AGBL4: variants seen among roughly 807,000 people sequenced by gnomAD.
AGBL4 encodes the protein cytosolic carboxypeptidase 6.
A neutral mutation model predicts 66.4 loss-of-function variants in AGBL4; 58 were observed. The ratio of observed to expected loss-of-function variants is 0.87; its 90% confidence interval spans 0.71 to 1.09. The LOEUF (loss-of-function observed/expected upper bound fraction) is 1.09, where lower values mean the gene tolerates loss of function less well. Ranked by LOEUF, AGBL4 falls within the 50% of genes least tolerant of loss-of-function variation. The probability of loss-of-function intolerance (pLI) is 0.00; values close to 1 mark genes in which losing one functional copy is unlikely to be tolerated. For synonymous variants in AGBL4, 234 were observed against 222.9 expected, an observed-to-expected ratio of 1.05 and a Z score of -0.44; for missense variants, 579 against 631.0, an observed-to-expected ratio of 0.92 and a Z score of 0.88.
chr1:48,669,808 A>G (rs1646247278), intron 6 of AGBL4, among the ~76,000 whole-genome samples: 1 of 152,190 alleles, frequency 6.6e-6, no homozygotes, highest in Admixed American at 6.5e-5. Flanking sequence ...CCTGATGCCC[A>G]GCATCTGCTC....
At chr1:49,739,884 C>A (rs1002647737) in intron 2 of AGBL4, among the ~76,000 whole-genome samples, 4 of 152,118 alleles carry the variant, frequency 2.6e-5, no homozygotes, top group African/African-American at 4.8e-5. Context: ...GCCTGCCCTA[C>A]AAGAGCTCCT....
At chr1:48,818,093 G>A (rs1220648030) in intron 6 of AGBL4, 7 of 715,744 alleles carry the variant, frequency 9.8e-6, no homozygotes, top group Admixed American at 8.0e-5. Context: ...AGAAGCAAAT[G>A]ATTTCACCAG....
chr1:49,498,480 C>G (rs1647817783), intron 3 of AGBL4, among the ~76,000 whole-genome samples: 1 of 151,540 alleles, frequency 6.6e-6, no homozygotes, highest in South Asian at 2.1e-4. Context: ...TCCTCCAGGT[C>G]CATCCAGGTT....
Position 48,736,114 on chromosome 1 carries a change from G to A in AGBL4, c.635-72873C>T. Reference sequence around the variant, plus strand: ...TTGGGTTATCCGCTTGGTGTCCCCGGGCTCAGCCCAGGGTCTGGCATGCAG... The same window carrying A: ...TTGGGTTATCCGCTTGGTGTCCCCGAGCTCAGCCCAGGGTCTGGCATGCAG... On this transcript the variant is annotated intron_variant, in intron 6 of 13. Transcript: ENST00000371839. The surrounding 1 kb of genome is among the most constrained non-coding windows in gnomAD (Gnocchi z 4.0). The A allele has an allele frequency of 9.1e-7, 1 of 1,100,434 alleles. No individual in the cohort carries two copies. Among genetic ancestry groups the A allele is most frequent in the Non-Finnish European group, 1.3e-6 (1 of 745,950 alleles). 68.2% of individuals were successfully genotyped at this position (1,100,434 alleles called of 1,614,324 possible).
intron 5 of AGBL4, among the ~76,000 whole-genome samples, chr1:48,949,126 G>C (rs1451800342): frequency 6.6e-6 from 1 of 152,162 alleles, no homozygotes; most frequent in African/African-American, 2.4e-5. Context: ...AAGGAAAAAA[G>C]GGTTGAAAAT....
chr1:49,823,878 G>A (rs951394296), intron 2 of AGBL4, among the ~76,000 whole-genome samples: 1 of 150,996 alleles, frequency 6.6e-6, no homozygotes, highest in African/African-American at 2.4e-5. Flanking sequence ...ATAAAGAAAA[G>A]TTAAGTTCCA....
intron 6 of AGBL4, chr1:48,759,500 G>C: frequency 5.2e-6 from 5 of 953,190 alleles, no homozygotes; most frequent in East Asian, 2.9e-5. Context: ...GAAGGGGCTT[G>C]CCCAAAGTCA....
intron 5 of AGBL4, among the ~76,000 whole-genome samples, chr1:48,933,007 T>C (rs1655162005): frequency 6.6e-6 from 1 of 152,126 alleles, no homozygotes; most frequent in Admixed American, 6.5e-5. Flanking sequence ...TTTTTTTCCT[T>C]TTACCTCTTT....
chr1:49,394,063 G>A (rs1644905611), intron 3 of AGBL4, among the ~76,000 whole-genome samples: 2 of 151,906 alleles, frequency 1.3e-5, no homozygotes, highest in Admixed American at 1.3e-4. Flanking sequence ...CTCTACTGCT[G>A]ACTGGTCTAT....
At chr1:49,001,079 G>T (rs1661360996) in intron 5 of AGBL4, among the ~76,000 whole-genome samples, 1 of 152,172 alleles carries the variant, frequency 6.6e-6, no homozygotes, top group East Asian at 1.9e-4. Flanking sequence ...GACCAAATTA[G>T]TGTACTGCTT....
intron 4 of AGBL4, among the ~76,000 whole-genome samples, chr1:49,083,673 G>T (rs1330507198): frequency 6.6e-6 from 1 of 152,118 alleles, no homozygotes; most frequent in Non-Finnish European, 1.5e-5. Context: ...GAGACATTTT[G>T]GCTCCTCGTT....
intron 4 of AGBL4, among the ~76,000 whole-genome samples, chr1:49,074,411 C>A (rs757759562): frequency 6.6e-6 from 1 of 152,198 alleles, no homozygotes; most frequent in Non-Finnish European, 1.5e-5. Flanking sequence ...ACTGTCCAAC[C>A]AGTCCCAATG....
intron 1 of AGBL4, among the ~76,000 whole-genome samples, chr1:50,007,768 T>C (rs1661244737): frequency 6.6e-6 from 1 of 151,168 alleles, no homozygotes; most frequent in South Asian, 2.1e-4. Context: ...CCTGTCCAAA[T>C]AAAAGGGAAA....
At chr1:48,621,518 A>G (rs1645413459) in intron 9 of AGBL4, among the ~76,000 whole-genome samples, 1 of 152,204 alleles carries the variant, frequency 6.6e-6, no homozygotes, top group African/African-American at 2.4e-5. Context: ...GAAAGTATAA[A>G]AAAGCAGAGG....
chr1:49,500,572 G>A (rs936057837), intron 3 of AGBL4, among the ~76,000 whole-genome samples: 1 of 151,938 alleles, frequency 6.6e-6, no homozygotes, highest in Non-Finnish European at 1.5e-5. Flanking sequence ...GAGAGACGAG[G>A]ATCAACTTTT....
intron 5 of AGBL4, among the ~76,000 whole-genome samples, chr1:48,957,454 A>T (rs971787717): frequency 1.3e-5 from 2 of 152,200 alleles, no homozygotes; most frequent in African/African-American, 2.4e-5. Context: ...CATGTGTGAC[A>T]TTCTCTAGAA....
intron 4 of AGBL4, among the ~76,000 whole-genome samples, chr1:49,183,856 C>T (rs1646970457): frequency 6.6e-6 from 1 of 152,150 alleles, no homozygotes; most frequent in Admixed American, 6.6e-5. Context: ...CTGACCACTC[C>T]ATGTGGTCAC....
At chr1:49,282,715 CA>C (rs979957192) in intron 3 of AGBL4, among the ~76,000 whole-genome samples, 6 of 152,186 alleles carry the variant, frequency 3.9e-5, no homozygotes, top group African/African-American at 1.4e-4. Flanking sequence ...TTGGGAAGCG[CA>C]AGGGGTCAGG....
chr1:49,319,966 C>T (rs143259387), intron 3 of AGBL4, among the ~76,000 whole-genome samples: 122 of 152,190 alleles, frequency 8.0e-4, no homozygotes, highest in African/African-American at 2.8e-3. Flanking sequence ...TCTCACTCTG[C>T]TGTCCAGGCT....
Sources: gnomAD v4.1 joint callset for allele counts (sites outside exome capture counted in the v4.1 genomes callset) on GRCh38, gnomAD v4.1.1 for gene constraint, Gnocchi (gnomAD v3.1) non-coding constraint, MANE v1.5 for transcripts, NCBI Gene and HGNC (gene_info 2026-07-23, HGNC 2026-07-21) for gene names.